The following AGBL4 variants were observed in gnomAD, a reference collection of about 807,000 sequenced individuals.
The protein encoded by AGBL4 is cytosolic carboxypeptidase 6.
Under a neutral mutation model 66.4 loss-of-function variants are expected in AGBL4, and 58 were observed. The observed-to-expected ratio is 0.87, with a 90% CI of 0.71 to 1.09. The LOEUF (loss-of-function observed/expected upper bound fraction) is 1.09. Ranked by LOEUF, AGBL4 falls within the 50% of genes least tolerant of loss-of-function variation. The pLI, the probability that AGBL4 is intolerant of heterozygous loss-of-function variation, is 0.00. For missense variants in AGBL4, 579 were observed against 631.0 expected (o/e 0.92, Z 0.88); for synonymous variants, 234 against 222.9 (o/e 1.05, Z -0.44).
intron 11 of AGBL4, among the ~76,000 whole-genome samples, chr1:48,540,602 C>T (rs1644050630): frequency 6.6e-6 from 1 of 152,064 alleles, no homozygotes; most frequent in South Asian, 2.1e-4. Context: ...TGCCCTTGCC[C>T]CACACTTTCA....
intron 3 of AGBL4, among the ~76,000 whole-genome samples, chr1:49,268,461 C>A (rs1362340537): frequency 6.8e-6 from 1 of 147,544 alleles, no homozygotes; most frequent in Admixed American, 6.8e-5. Flanking sequence ...AATACAAGAT[C>A]TCACTCTATT....
chr1:49,064,023 T>G (rs1644448739), intron 4 of AGBL4, among the ~76,000 whole-genome samples: 1 of 152,238 alleles, frequency 6.6e-6, no homozygotes, highest in African/African-American at 2.4e-5. Flanking sequence ...GCAAGTGACT[T>G]ATCTTCTTTC....
intron 3 of AGBL4, among the ~76,000 whole-genome samples, chr1:49,454,285 T>C (rs1328514630): frequency 1.3e-5 from 2 of 151,740 alleles, no homozygotes; most frequent in South Asian, 2.1e-4. Context: ...CAGATACTAT[T>C]TATGGTTCCC....
chr1:49,139,553 G>A (rs924320977), intron 4 of AGBL4, among the ~76,000 whole-genome samples: 2 of 152,106 alleles, frequency 1.3e-5, no homozygotes, highest in Non-Finnish European at 2.9e-5. Flanking sequence ...GTTGTATGGA[G>A]GCCATCCAAT....
intron 3 of AGBL4, among the ~76,000 whole-genome samples, chr1:49,247,787 T>C (rs1326657731): frequency 6.6e-6 from 1 of 152,146 alleles, no homozygotes; most frequent in African/African-American, 2.4e-5. Context: ...GCCTAGGAAA[T>C]TTCCCAGGTA....
At position 48,751,053 on chromosome 1, in the gene AGBL4, T is replaced by C. The variant is rs565709893; in HGVS notation, c.635-87812A>G. 2.0e-3 allele frequency among the ~76,000 whole-genome samples: 310 copies of C among 152,270 alleles called. 3 individuals are homozygous for C. The highest frequency in any genetic ancestry group is 7.1e-3 in the African/African-American group (297 of 41,554). Reference sequence around the variant, plus strand: ...TATAGCATTCATGAAATCCTATATATTCTGATTCCACATGGCATAGATATG... The same window carrying C: ...TATAGCATTCATGAAATCCTATATACTCTGATTCCACATGGCATAGATATG... On this transcript the variant is annotated intron_variant, in intron 6 of 13. Coordinates refer to ENST00000371839, the MANE Select transcript of AGBL4 (RefSeq NM_032785.4).
chr1:49,657,805 A>G (rs1267873389), intron 3 of AGBL4, among the ~76,000 whole-genome samples: 2 of 152,214 alleles, frequency 1.3e-5, no homozygotes, highest in Non-Finnish European at 1.5e-5. Flanking sequence ...GGCTAGCCAT[A>G]TGTAGAAAGC....
At chr1:49,667,133 C>T (rs1646387037) in intron 3 of AGBL4, among the ~76,000 whole-genome samples, 1 of 152,082 alleles carries the variant, frequency 6.6e-6, no homozygotes, top group Non-Finnish European at 1.5e-5. Context: ...TATATTTACA[C>T]AGTATATGTA....
intron 3 of AGBL4, among the ~76,000 whole-genome samples, chr1:49,661,116 A>T (rs755840672): frequency 3.3e-5 from 5 of 152,136 alleles, no homozygotes; most frequent in Non-Finnish European, 7.4e-5. Flanking sequence ...TAAAAATAAA[A>T]ATTTGCAAAA....
chr1:49,885,335 T>G (rs1647908016), intron 1 of AGBL4, among the ~76,000 whole-genome samples: 1 of 151,996 alleles, frequency 6.6e-6, no homozygotes, highest in African/African-American at 2.4e-5. Context: ...TTTCTACTTG[T>G]GGATGTTTTA....
chr1:49,696,990 C>T (rs954288022), intron 3 of AGBL4, among the ~76,000 whole-genome samples: 3 of 152,024 alleles, frequency 2.0e-5, no homozygotes, highest in Admixed American at 6.6e-5. Context: ...AGAACAATAC[C>T]CTTTGTAAAC....
chr1:49,695,552 CA>C (rs1646967576), intron 3 of AGBL4, among the ~76,000 whole-genome samples: 1 of 152,142 alleles, frequency 6.6e-6, no homozygotes, highest in South Asian at 2.1e-4. Flanking sequence ...TTCCTAAGAT[CA>C]GGGGAAAGAG....
chr1:49,871,203 C>T (rs979363309), intron 1 of AGBL4, among the ~76,000 whole-genome samples: 9 of 151,964 alleles, frequency 5.9e-5, no homozygotes, highest in Admixed American at 5.2e-4. Flanking sequence ...GGAACATTAA[C>T]CCATTCTTTA....
rs899277453 is a variant in AGBL4 at position 49,496,272 on chromosome 1, A to G, written c.282+201041T>C. ...ATTATTTATTTTAATTGGCAAAAAT[A>G]TTGTATACAATTATCATGCATAATA... is the stretch of plus-strand genomic sequence containing the variant. On this transcript the variant is annotated intron_variant, in intron 3 of 13. Coordinates refer to ENST00000371839, the MANE Select transcript of AGBL4 (RefSeq NM_032785.4). Among the ~76,000 whole-genome samples the G allele has an allele frequency of 1.3e-5, 2 of 152,044 alleles. 1 individual carries two copies. The highest frequency in any genetic ancestry group is 2.9e-5 in the Non-Finnish European group (2 of 68,012).
At chr1:50,013,290 C>T (rs1011758457) in intron 1 of AGBL4, among the ~76,000 whole-genome samples, 1 of 152,126 alleles carries the variant, frequency 6.6e-6, no homozygotes, top group Non-Finnish European at 1.5e-5. Flanking sequence ...ATGAGTCCTT[C>T]CTCAAAATAT....
At chr1:49,078,324 C>G (rs972473827) in intron 4 of AGBL4, among the ~76,000 whole-genome samples, 2 of 152,128 alleles carry the variant, frequency 1.3e-5, no homozygotes, top group African/African-American at 4.8e-5. Flanking sequence ...ATGTATCTCA[C>G]GTTGCACATT....
rs528298253 is a variant in AGBL4, at chr1:49,937,211, A to G, written c.35-85693T>C. On this transcript the variant is annotated intron_variant, in intron 1 of 13. Transcript: ENST00000371839. ...AATCCTAGTCTCTGATAAAACAGAC[A>G]TTAAACCAACAAAGATCAAAAGAGA... Among the ~76,000 whole-genome samples, 53 of 152,312 alleles carry G rather than the reference A, an allele frequency of 3.5e-4. 1 individual carries two copies. The South Asian group carries it at 9.3e-3, about 27-fold the overall frequency.
intron 3 of AGBL4, among the ~76,000 whole-genome samples, chr1:49,457,323 G>A (rs1267311760): frequency 6.6e-6 from 1 of 151,680 alleles, no homozygotes; most frequent in Non-Finnish European, 1.5e-5. Flanking sequence ...CCTGATAATT[G>A]ATGAGGTTGA....
At chr1:48,834,173 CAT>C (rs1021894496) in intron 6 of AGBL4, among the ~76,000 whole-genome samples, 23 of 152,170 alleles carry the variant, frequency 1.5e-4, no homozygotes, top group Non-Finnish European at 2.8e-4. Flanking sequence ...AAGCACATAA[CAT>C]ATGTCTGGTT....
Sources: gnomAD v4.1 joint callset for allele counts (sites outside exome capture counted in the v4.1 genomes callset) on GRCh38, gnomAD v4.1.1 for gene constraint, MANE v1.5 for transcripts, NCBI Gene and HGNC (gene_info 2026-07-23, HGNC 2026-07-21) for gene names.